TRPC1: variants seen among roughly 807,000 people sequenced by gnomAD.
The protein encoded by TRPC1 is transient receptor potential cation channel subfamily C member 1.
Under a neutral mutation model 88.2 loss-of-function variants are expected in TRPC1, and 42 were observed. The observed-to-expected ratio is 0.48, with a 90% CI of 0.37 to 0.62. TRPC1 has a LOEUF of 0.62. Ranked by LOEUF, TRPC1 falls within the 20% of genes least tolerant of loss-of-function variation. The pLI, the probability that TRPC1 is intolerant of heterozygous loss-of-function variation, is 0.00. For missense variants in TRPC1, 699 were observed against 957.3 expected (o/e 0.73, Z 3.56); for synonymous variants, 288 against 331.8 (o/e 0.87, Z 1.43).
chr3:142,802,034 T>C lies in TRPC1; in HGVS notation c.1582-135T>C, dbSNP rs1042771615. On this transcript the variant is annotated intron_variant, in intron 9 of 12. Coordinates refer to ENST00000476941, the MANE Select transcript of TRPC1 (RefSeq NM_001251845.2). The stretch of plus-strand genomic sequence containing the variant: ...TTTTCGATGTTTTTAAAATGATCTG[T>C]CTCAACCAGATGCAATAGAAGGGGT... The C allele has an allele frequency of 1.9e-5, 10 of 533,312 alleles. No homozygotes were observed. The South Asian group carries it at 4.1e-4, about 22-fold the overall frequency. The allele number at this position is 533,312 out of a possible 1,614,324, so 33.0% of individuals were successfully genotyped here.
chr3:142,804,273 T>C, intron 11 of TRPC1, 95 bp downstream of exon 11: 1 of 1,227,814 alleles, frequency 8.1e-7, no homozygotes, highest in South Asian at 1.7e-5. Context: ...ATTATAAGAA[T>C]TGAAAAATAG....
chr3:142,728,474 A>G (rs1158754436), intron 1 of TRPC1, among the ~76,000 whole-genome samples: 1 of 151,546 alleles, frequency 6.6e-6, no homozygotes, highest in Non-Finnish European at 1.5e-5. Context: ...GCCCACCACC[A>G]CGCCCGGCTA....
intron 4 of TRPC1, among the ~76,000 whole-genome samples, chr3:142,774,100 C>T (rs1429505610): frequency 3.3e-5 from 5 of 152,108 alleles, no homozygotes; most frequent in African/African-American, 1.2e-4. Flanking sequence ...CATATGTCAG[C>T]CAAAGATTTG....
chr3:142,742,809 G>A (rs1011876035), intron 2 of TRPC1, among the ~76,000 whole-genome samples: 1 of 152,124 alleles, frequency 6.6e-6, no homozygotes, highest in African/African-American at 2.4e-5. Context: ...CATTTCCTCA[G>A]AGTCTCCTTA....
At chr3:142,730,230 AGAGTT>A (rs1166302105) in intron 1 of TRPC1, among the ~76,000 whole-genome samples, 2 of 152,140 alleles carry the variant, frequency 1.3e-5, no homozygotes, top group African/African-American at 2.4e-5. Flanking sequence ...TTTTTCTAAT[AGAGTT>A]AAGAATATGC....
chr3:142,802,640 T>C (rs2108164884), intron 10 of TRPC1, among the ~76,000 whole-genome samples: 1 of 152,198 alleles, frequency 6.6e-6, no homozygotes, highest in African/African-American at 2.4e-5. Flanking sequence ...TTGTCATTCC[T>C]ATGTATTGCA....
At chr3:142,761,825 A>C (rs1207905065) in intron 4 of TRPC1, among the ~76,000 whole-genome samples, 2 of 152,058 alleles carry the variant, frequency 1.3e-5, no homozygotes, top group Non-Finnish European at 1.5e-5. Flanking sequence ...CCAGGAATCT[A>C]ACCATTTTTT....
intron 4 of TRPC1, among the ~76,000 whole-genome samples, chr3:142,749,003 C>A (rs547657237): frequency 1.3e-5 from 2 of 152,132 alleles, no homozygotes; most frequent in Non-Finnish European, 2.9e-5. Context: ...CACACGTGGG[C>A]ATGCTGTATA....
chr3:142,785,786 A>T (rs1035975169), intron 7 of TRPC1, among the ~76,000 whole-genome samples: 1 of 152,152 alleles, frequency 6.6e-6, no homozygotes, highest in Non-Finnish European at 1.5e-5. Context: ...GGCCTGAGCC[A>T]CCGTGCCCGG....
intron 4 of TRPC1, among the ~76,000 whole-genome samples, chr3:142,768,649 C>T (rs59108985): frequency 0.36 from 54,917 of 151,802 alleles, 14,068 homozygotes; most frequent in African/African-American, 0.74. Context: ...TCTCATGTCT[C>T]TTTGTTGTTG....
chr3:142,789,295 T>C (rs891090345), intron 7 of TRPC1, among the ~76,000 whole-genome samples: 6 of 149,446 alleles, frequency 4.0e-5, no homozygotes, highest in African/African-American at 1.2e-4. Flanking sequence ...AAAGCTTTCA[T>C]CCCTACTCCT....
chr3:142,740,677 T>C (rs1934312743), intron 2 of TRPC1, among the ~76,000 whole-genome samples: 1 of 152,192 alleles, frequency 6.6e-6, no homozygotes, highest in Non-Finnish European at 1.5e-5. Context: ...ACATATTGGC[T>C]TAGAAATTAA....
Position 142,744,865 on chromosome 3 carries a change from C to A in TRPC1, c.429+1279C>A, listed in dbSNP as rs549300233. ...ACATGATAACATTCATTATTGGTGA[C>A]GATACCGTGAAACAAGCAGTTTAAA... On this transcript the variant is annotated intron_variant, in intron 3 of 12. Coordinates refer to ENST00000476941, the MANE Select transcript of TRPC1 (RefSeq NM_001251845.2). Among the ~76,000 whole-genome samples the A allele has an allele frequency of 3.8e-4, 58 of 152,030 alleles. 1 individual carries two copies. The South Asian group carries it at 0.011, about 30-fold the overall frequency.
At chr3:142,727,210 C>T (rs1933715238) in intron 1 of TRPC1, among the ~76,000 whole-genome samples, 1 of 152,198 alleles carries the variant, frequency 6.6e-6, no homozygotes, top group Non-Finnish European at 1.5e-5. Context: ...AAAAAGCAAG[C>T]ATGGTACTTC....
At chr3:142,778,281 CATAAAA>C (rs2108111959) in intron 5 of TRPC1, among the ~76,000 whole-genome samples, 2 of 151,934 alleles carry the variant, frequency 1.3e-5, no homozygotes, top group South Asian at 4.2e-4. Context: ...TACATGTAAA[CATAAAA>C]ATAAAATACA....
rs538577388 is a variant in TRPC1, at chr3:142,728,561, T to G, written c.172+3830T>G. On this transcript the variant is annotated intron_variant, in intron 1 of 12. Transcript: ENST00000476941. The stretch of plus-strand genomic sequence containing the variant: ...GTCTCAAACTCCCGACCTCGAGTGA[T>G]CCACCCGCCTCGGCTTCCCAAAGTG... Among the ~76,000 whole-genome samples the G allele has an allele frequency of 5.1e-4, 78 of 152,228 alleles. 1 individual carries two copies. Among genetic ancestry groups the G allele is most frequent in the Admixed American group, 2.2e-3 (33 of 15,292 alleles).
intron 4 of TRPC1, among the ~76,000 whole-genome samples, chr3:142,764,899 T>C (rs890886108): frequency 2.0e-5 from 3 of 152,160 alleles, no homozygotes; most frequent in African/African-American, 7.2e-5. Context: ...TTACATTTGG[T>C]CTTTTGAGGT....
intron 5 of TRPC1, 131 bp downstream of exon 5, chr3:142,777,894 T>G: frequency 1.0e-6 from 1 of 969,442 alleles, no homozygotes; most frequent in East Asian, 2.8e-5. Context: ...GCCACTTACT[T>G]GGCAACAGAC....
chr3:142,777,116 A>AG lies in TRPC1; in HGVS notation c.633-515dup, dbSNP rs147957475. 3.9e-3 allele frequency among the ~76,000 whole-genome samples: 589 copies of AG among 152,254 alleles called. 5 individuals are homozygous for AG. The highest frequency in any genetic ancestry group is 0.014 in the African/African-American group (566 of 41,542). ...AACTTGAGGCCAGGAGCTTAAGACT[A>AG]GCTGGGCCACATAGCATGACCCTGT... is the stretch of plus-strand genomic sequence containing the variant. On this transcript the variant is annotated intron_variant, in intron 4 of 12. Transcript: ENST00000476941.
Sources: gnomAD v4.1 joint callset for allele counts (sites outside exome capture counted in the v4.1 genomes callset) on GRCh38, gnomAD v4.1.1 for gene constraint, MANE v1.5 for transcripts, NCBI Gene and HGNC (gene_info 2026-07-23, HGNC 2026-07-21) for gene names.